VKORC1L1: variants seen among roughly 807,000 people sequenced by gnomAD.
VKORC1L1 encodes the protein vitamin K epoxide reductase complex subunit 1-like protein 1.
Under a neutral mutation model 18.9 loss-of-function variants are expected in VKORC1L1, and 2 were observed. That is an observed-to-expected ratio of 0.11 (90% confidence interval 0.04 to 0.33). VKORC1L1 has a LOEUF of 0.33. Among genes scored for constraint, VKORC1L1 ranks in the 10% least tolerant of loss-of-function variants. The pLI, the probability that VKORC1L1 is intolerant of heterozygous loss-of-function variation, is 1.00. For missense variants in VKORC1L1, 123 were observed against 224.1 expected, an observed-to-expected ratio of 0.55 and a Z score of 2.88; for synonymous variants, 96 against 100.0, an observed-to-expected ratio of 0.96 and a Z score of 0.24.
At chr7:65,924,455 T>G (rs2115635035) in intron 1 of VKORC1L1, among the ~76,000 whole-genome samples, 1 of 152,348 alleles carries the variant, frequency 6.6e-6, no homozygotes, top group African/African-American at 2.4e-5. Flanking sequence ...GCAAATACTT[T>G]AGGCTTCACG....
At chr7:65,890,297 AT>A (rs1437549789) in intron 1 of VKORC1L1, among the ~76,000 whole-genome samples, 2 of 151,592 alleles carry the variant, frequency 1.3e-5, no homozygotes, top group African/African-American at 4.8e-5. Context: ...CGCCCGGCTA[AT>A]TTTTTTGTAT....
chr7:65,937,575 GGTTT>G (rs1424246656), intron 1 of VKORC1L1, among the ~76,000 whole-genome samples: 8 of 151,894 alleles, frequency 5.3e-5, no homozygotes, highest in African/African-American at 1.2e-4. Context: ...TTTTGGTGGT[GGTTT>G]GTTTGTTTGT....
Position 65,873,116 on chromosome 7 carries a change from C to A in VKORC1L1, c.-256C>A, listed in dbSNP as rs1788751540. Among the ~76,000 whole-genome samples, 1 of 149,682 alleles carries A rather than the reference C, an allele frequency of 6.7e-6. No individual in the cohort carries two copies. The highest frequency in any genetic ancestry group is 2.4e-5 in the African/African-American group (1 of 41,056). On this transcript the variant is annotated 5_prime_UTR_variant, in exon 1 of 3. Transcript: ENST00000360768. ...CCGGCCTCTTCGGCCGTTGCGCACTCCACCCCCTCCCTCCGCGCCCGCGCG... is the reference window on the plus strand; with the variant it reads ...CCGGCCTCTTCGGCCGTTGCGCACTACACCCCCTCCCTCCGCGCCCGCGCG...
At chr7:65,890,106 C>T (rs1219412143) in intron 1 of VKORC1L1, among the ~76,000 whole-genome samples, 2 of 150,036 alleles carry the variant, frequency 1.3e-5, no homozygotes, top group Non-Finnish European at 3.0e-5. Context: ...TACAGGTGCA[C>T]ACCACCACAC....
rs377580509 is a variant in VKORC1L1, at chr7:65,896,729, G to A, written c.194+23164G>A. Among the ~76,000 whole-genome samples the A allele has an allele frequency of 5.8e-4, 89 of 152,268 alleles. No homozygotes were observed. In the South Asian group the frequency reaches 0.018, roughly 31 times the overall value. On this transcript the variant is annotated intron_variant, in intron 1 of 2. Transcript: ENST00000360768. ...TAAAAACAGACACGCTGCTGGGCCT[G>A]GTGGCTCATGCCTATAATCCCAGCA...
chr7:65,895,481 ATATAT>A (rs1208150790), intron 1 of VKORC1L1, among the ~76,000 whole-genome samples: 535 of 23,468 alleles, frequency 0.023, 15 homozygotes, highest in Non-Finnish European at 0.031. Flanking sequence ...AAAAAAAAAA[ATATAT>A]ATATATATAT....
At chr7:65,880,865 A>G (rs1468415398) in intron 1 of VKORC1L1, among the ~76,000 whole-genome samples, 1 of 152,336 alleles carries the variant, frequency 6.6e-6, no homozygotes, top group East Asian at 1.9e-4. Context: ...CACTGATAAG[A>G]CATAGCACTG....
intron 1 of VKORC1L1, among the ~76,000 whole-genome samples, chr7:65,883,674 A>AT (rs1224714347): frequency 6.6e-6 from 1 of 150,918 alleles, no homozygotes; most frequent in Non-Finnish European, 1.5e-5. Context: ...TAATTTTTGT[A>AT]TTTTTAATAG....
intron 1 of VKORC1L1, 123 bp downstream of exon 1, chr7:65,873,688 G>A: frequency 1.3e-6 from 1 of 786,722 alleles, no homozygotes; most frequent in Non-Finnish European, 1.7e-6. Context: ...CTGGGGAACT[G>A]ACGGGGTCGG....
intron 1 of VKORC1L1, among the ~76,000 whole-genome samples, chr7:65,876,020 G>A (rs887427409): frequency 3.3e-5 from 5 of 152,156 alleles, no homozygotes; most frequent in Admixed American, 2.0e-4. Flanking sequence ...TTATCTGTGT[G>A]TAAAGTCCTC....
chr7:65,869,667 T>TA (rs1554391775), upstream of VKORC1L1, among the ~76,000 whole-genome samples: 37 of 139,348 alleles, frequency 2.7e-4, no homozygotes, highest in Non-Finnish European at 2.5e-4. Context: ...TTTTTTTTTT[T>TA]AGAGACAGGG....
chr7:65,930,135 A>G (rs1317856277), intron 1 of VKORC1L1, among the ~76,000 whole-genome samples: 2 of 152,182 alleles, frequency 1.3e-5, no homozygotes, highest in African/African-American at 4.8e-5. Flanking sequence ...TGTGCCGGGT[A>G]ACCTTATAAA....
intron 1 of VKORC1L1, among the ~76,000 whole-genome samples, chr7:65,943,654 G>C (rs955399806): frequency 1.3e-5 from 2 of 152,054 alleles, no homozygotes; most frequent in African/African-American, 4.8e-5. Context: ...AAATTAGGTG[G>C]GGTAGTGGCA....
intron 1 of VKORC1L1, among the ~76,000 whole-genome samples, chr7:65,906,697 T>C (rs575288781): frequency 6.6e-6 from 1 of 152,218 alleles, no homozygotes; most frequent in African/African-American, 2.4e-5. Flanking sequence ...TAGACATACA[T>C]GGTAATAAGC....
intron 1 of VKORC1L1, among the ~76,000 whole-genome samples, chr7:65,941,652 G>C (rs377609974): frequency 4.0e-5 from 5 of 125,620 alleles, no homozygotes; most frequent in East Asian, 4.8e-4. Flanking sequence ...TGCTGGTATT[G>C]TTGTGTTTCT....
intron 1 of VKORC1L1, 132 bp from the exon 2 acceptor site, chr7:65,948,535 ACTCT>A (rs1226184379): frequency 3.2e-6 from 1 of 308,036 alleles, no homozygotes; most frequent in Non-Finnish European, 5.7e-6. Context: ...GGGGCAAATC[ACTCT>A]CTCAACACAG....
At chr7:65,895,151 T>C (rs1789170769) in intron 1 of VKORC1L1, among the ~76,000 whole-genome samples, 1 of 152,088 alleles carries the variant, frequency 6.6e-6, no homozygotes, top group African/African-American at 2.4e-5. Context: ...CAGGTACTTC[T>C]GGCCATATGG....
chr7:65,884,780 A>G (rs1788985725), intron 1 of VKORC1L1, among the ~76,000 whole-genome samples: 1 of 152,152 alleles, frequency 6.6e-6, no homozygotes, highest in South Asian at 2.1e-4. Flanking sequence ...GAAAATTGTC[A>G]TGTTATTGTT....
Position 65,873,120 on chromosome 7 carries a change from C to T in VKORC1L1, c.-252C>T, listed in dbSNP as rs1357999576. The T allele has an allele frequency of 4.2e-6, 1 of 240,196 alleles. No homozygotes were observed. The highest frequency in any genetic ancestry group is 6.6e-5 in the Admixed American group (1 of 15,096). The allele number at this position is 240,196 out of a possible 1,614,324, so 14.9% of individuals were successfully genotyped here. On this transcript the variant is annotated 5_prime_UTR_variant, in exon 1 of 3. Coordinates refer to ENST00000360768, the MANE Select transcript of VKORC1L1 (RefSeq NM_173517.6). ...CCTCTTCGGCCGTTGCGCACTCCAC[C>T]CCCTCCCTCCGCGCCCGCGCGCGCC...
Sources: allele counts gnomAD v4.1 joint callset (sites outside exome capture counted in the v4.1 genomes callset), GRCh38; gene constraint gnomAD v4.1.1; transcripts MANE v1.5; gene names NCBI Gene and HGNC (gene_info 2026-07-23, HGNC 2026-07-21).